Variants in STK33 observed in about 807,000 individuals in gnomAD.
STK33 encodes serine/threonine-protein kinase 33.
A neutral mutation model predicts 58.0 loss-of-function variants in STK33; 52 were observed. That is an observed-to-expected ratio of 0.90 (90% CI 0.72 to 1.13). The LOEUF is 1.13. STK33 is among the 50% of genes most tolerant of loss of function. The pLI, the probability that STK33 is intolerant of heterozygous loss-of-function variation, is 0.00. For synonymous variants in STK33, 215 were observed against 200.1 expected (o/e 1.07, Z -0.63); for missense variants, 630 against 604.2 (o/e 1.04, Z -0.45).
At chr11:8,344,437 C>T in the STK33 span, among the ~76,000 whole-genome samples, 1 of 152,134 alleles carries the variant, frequency 6.6e-6, no homozygotes, top group Non-Finnish European at 1.5e-5. Flanking sequence ...TACTAGGTGC[C>T]AATATTAGTC....
intron 1 of STK33, among the ~76,000 whole-genome samples, chr11:8,568,510 T>C (rs974962927): frequency 2.0e-5 from 3 of 152,326 alleles, no homozygotes; most frequent in Admixed American, 2.0e-4. Context: ...TAATTCGCTC[T>C]GCTATTAAAA....
intron 1 of STK33, among the ~76,000 whole-genome samples, chr11:8,515,880 A>T (rs1952735335): frequency 6.6e-6 from 1 of 152,240 alleles, no homozygotes; most frequent in Admixed American, 6.5e-5. Flanking sequence ...CCCATAGTTA[A>T]CATCACACTC....
At chr11:8,502,268 T>C (rs1951572328) in intron 1 of STK33, among the ~76,000 whole-genome samples, 3 of 152,076 alleles carry the variant, frequency 2.0e-5, no homozygotes, top group East Asian at 3.8e-4. Flanking sequence ...CAAAAAAGCA[T>C]GGTGCTAGAA....
the STK33 span, among the ~76,000 whole-genome samples, chr11:8,370,984 G>A: frequency 6.6e-6 from 1 of 152,200 alleles, no homozygotes; most frequent in East Asian, 1.9e-4. Flanking sequence ...GGGGCTGTTT[G>A]CCCTGGACCG....
At chr11:8,473,049 C>T in intron 6 of STK33, 114 bp downstream of exon 6, 1 of 625,486 alleles carries the variant, frequency 1.6e-6, no homozygotes. Context: ...GGTACATTTC[C>T]TCTTTTCTTT....
At chr11:8,423,912 C>T (rs1942318225) in intron 14 of STK33, among the ~76,000 whole-genome samples, 2 of 151,964 alleles carry the variant, frequency 1.3e-5, no homozygotes, top group African/African-American at 4.8e-5. Flanking sequence ...ACTATATAAT[C>T]TTTTTGAGTT....
chr11:8,575,695 A>G (rs1216853843), intron 1 of STK33, among the ~76,000 whole-genome samples: 3 of 152,140 alleles, frequency 2.0e-5, no homozygotes, highest in Non-Finnish European at 2.9e-5. Context: ...TGAATTGTAT[A>G]CTTAAAATGG....
At chr11:8,354,097 G>A in the STK33 span, among the ~76,000 whole-genome samples, 2 of 152,134 alleles carry the variant, frequency 1.3e-5, no homozygotes, top group Non-Finnish European at 1.5e-5. Flanking sequence ...TAAACCCAGA[G>A]GAATCACTTT....
chr11:8,342,002 C>T, the STK33 span, among the ~76,000 whole-genome samples: 1 of 152,172 alleles, frequency 6.6e-6, no homozygotes, highest in Non-Finnish European at 1.5e-5. Context: ...AATGGGGCAG[C>T]TCATGCTTAA....
Position 8,488,725 on chromosome 11 carries a change from A to T in STK33, c.-465-8111T>A, listed in dbSNP as rs192234691. On this transcript the variant is annotated intron_variant, in intron 1 of 15. Coordinates refer to ENST00000687296, the MANE Select transcript of STK33 (RefSeq NM_001352389.2). ...ACTACCACTACAACCAGCAGCAACA[A>T]AACACCCTGGGGAGGGGAGAGTATC... Among the ~76,000 whole-genome samples, 20 of 152,272 alleles carry T rather than the reference A, an allele frequency of 1.3e-4. No homozygotes were observed. The East Asian group carries it at 3.3e-3, about 25-fold the overall frequency.
At chr11:8,540,019 A>G (rs1422114951) in intron 1 of STK33, among the ~76,000 whole-genome samples, 2 of 152,202 alleles carry the variant, frequency 1.3e-5, no homozygotes, top group African/African-American at 4.8e-5. Flanking sequence ...AAAAAATTAA[A>G]AATAGAACTA....
intron 1 of STK33, among the ~76,000 whole-genome samples, chr11:8,552,100 C>T (rs1050921608): frequency 3.9e-5 from 6 of 152,210 alleles, no homozygotes; most frequent in Admixed American, 2.0e-4. Context: ...ACAAAGATTC[C>T]AGACCAGTGG....
intron 1 of STK33, among the ~76,000 whole-genome samples, chr11:8,486,954 T>C (rs551752603): frequency 2.0e-5 from 3 of 152,264 alleles, no homozygotes; most frequent in Admixed American, 1.3e-4. Context: ...ATAGCAGCCA[T>C]TTACTGAGAC....
At chr11:8,406,505 A>G (rs553790924) in intron 15 of STK33, among the ~76,000 whole-genome samples, 3 of 152,334 alleles carry the variant, frequency 2.0e-5, no homozygotes, top group African/African-American at 7.2e-5. Flanking sequence ...AACCATAAAC[A>G]TGGTATATCT....
At chr11:8,519,624 G>A (rs919652579) in intron 1 of STK33, among the ~76,000 whole-genome samples, 22 of 151,932 alleles carry the variant, frequency 1.4e-4, no homozygotes, top group Admixed American at 7.2e-4. Flanking sequence ...AAACAGAGAA[G>A]AATCAAATAG....
intron 1 of STK33, among the ~76,000 whole-genome samples, chr11:8,538,544 T>C (rs1440583647): frequency 6.6e-6 from 1 of 152,216 alleles, no homozygotes; most frequent in Non-Finnish European, 1.5e-5. Flanking sequence ...ATCTTGTCAT[T>C]TTAGTCATCA....
intron 15 of STK33, among the ~76,000 whole-genome samples, chr11:8,400,385 T>C (rs918892703): frequency 2.0e-5 from 3 of 152,290 alleles, no homozygotes; most frequent in African/African-American, 7.2e-5. Context: ...ATTATCTCAA[T>C]AGATGCAGAA....
At chr11:8,509,116 C>CAAAAAAAA (rs1161851155) in intron 1 of STK33, among the ~76,000 whole-genome samples, 3 of 45,410 alleles carry the variant, frequency 6.6e-5, no homozygotes, top group African/African-American at 1.6e-4. Context: ...AACTCTGTCT[C>CAAAAAAAA]AAAAAAAAAA....
chr11:8,342,220 G>A, the STK33 span, among the ~76,000 whole-genome samples: 1 of 152,224 alleles, frequency 6.6e-6, no homozygotes, highest in Admixed American at 6.5e-5. Flanking sequence ...GGGGTCAGCA[G>A]AAAAGAATGT....
Sources: allele counts gnomAD v4.1 joint callset (sites outside exome capture counted in the v4.1 genomes callset), GRCh38; gene constraint gnomAD v4.1.1; transcripts MANE v1.5; gene names NCBI Gene and HGNC (gene_info 2026-07-23, HGNC 2026-07-21).